The following SNTG1 variants were observed in gnomAD, a reference collection of about 807,000 sequenced individuals.
The protein encoded by SNTG1 is gamma-1-syntrophin.
A neutral mutation model predicts 74.7 loss-of-function variants in SNTG1; 39 were observed. That is an observed-to-expected ratio of 0.52 (90% CI 0.40 to 0.68). The LOEUF (loss-of-function observed/expected upper bound fraction) is 0.68. Ranked by LOEUF, SNTG1 falls within the 30% of genes least tolerant of loss-of-function variation. SNTG1 has a pLI of 0.00. For synonymous variants in SNTG1, 254 were observed against 217.1 expected, an observed-to-expected ratio of 1.17 and a Z score of -1.49; for missense variants, 685 against 609.5, an observed-to-expected ratio of 1.12 and a Z score of -1.30.
chr8:50,469,716 C>T (rs556842038), intron 8 of SNTG1, among the ~76,000 whole-genome samples: 5 of 152,254 alleles, frequency 3.3e-5, no homozygotes, highest in South Asian at 2.1e-4. Flanking sequence ...TGGTGGCTCA[C>T]GCCTGTAATC....
rs1328018114 is a variant in SNTG1, at chr8:50,530,137, C to A, written c.467-40C>A. 5 of 1,541,922 alleles carry A rather than the reference C, an allele frequency of 3.2e-6. No homozygotes were observed. The South Asian group carries it at 3.4e-5, about 10-fold the overall frequency. ...AATGCATCAGTTTAGAAGGTTATGG[C>A]ATTCTCACCAGTGGAATGTTATGAT... On this transcript the variant is annotated intron_variant, in intron 9 of 18. Coordinates refer to ENST00000642720, the MANE Select transcript of SNTG1 (RefSeq NM_018967.5).
At chr8:50,162,063 G>T (rs972084219) in intron 1 of SNTG1, among the ~76,000 whole-genome samples, 1 of 152,118 alleles carries the variant, frequency 6.6e-6, no homozygotes, top group Non-Finnish European at 1.5e-5. Context: ...ATTTGTGGTT[G>T]AATTGAATTG....
chr8:50,633,366 T>TTTC (rs2095016524), intron 13 of SNTG1, among the ~76,000 whole-genome samples: 1 of 151,978 alleles, frequency 6.6e-6, no homozygotes, highest in South Asian at 2.1e-4. Flanking sequence ...TACATTTATG[T>TTTC]TTCTGCCCTG....
chr8:50,100,454 A>T (rs2080079834), intron 1 of SNTG1, among the ~76,000 whole-genome samples: 1 of 152,094 alleles, frequency 6.6e-6, no homozygotes, highest in African/African-American at 2.4e-5. Flanking sequence ...AGAAACTGTA[A>T]GTGAGGTGAT....
intron 13 of SNTG1, among the ~76,000 whole-genome samples, chr8:50,620,638 G>T (rs1490104535): frequency 6.6e-6 from 1 of 152,140 alleles, no homozygotes; most frequent in African/African-American, 2.4e-5. Flanking sequence ...CTATAGAATG[G>T]GCATAATAGT....
rs75326855 is a variant in SNTG1, at chr8:50,564,603, C to T, written c.810+11424C>T. 8.7e-3 allele frequency among the ~76,000 whole-genome samples: 1,320 copies of T among 152,208 alleles called. 44 individuals are homozygous for T. Among genetic ancestry groups the T allele is most frequent in the Admixed American group, 0.067 (1,020 of 15,254 alleles). ...GTATTTACATGAAAATCTAGCTTCT[C>T]AGTTTTTTACTTTTCAAAGACTGAG... On this transcript the variant is annotated intron_variant, in intron 12 of 18. Transcript: ENST00000642720.
At chr8:50,231,100 A>G in intron 2 of SNTG1, among the ~76,000 whole-genome samples, 1 of 151,344 alleles carries the variant, frequency 6.6e-6, no homozygotes, top group Admixed American at 6.6e-5. Flanking sequence ...AATTTCTCCA[A>G]AGATACAAAT....
At chr8:50,208,034 T>C (rs886596095) in intron 2 of SNTG1, among the ~76,000 whole-genome samples, 1 of 152,230 alleles carries the variant, frequency 6.6e-6, no homozygotes, top group Non-Finnish European at 1.5e-5. Context: ...GAGAAGAATG[T>C]ATATTCTATT....
chr8:50,451,369 G>C (rs150238103), intron 8 of SNTG1, among the ~76,000 whole-genome samples: 21 of 152,146 alleles, frequency 1.4e-4, no homozygotes, highest in African/African-American at 5.1e-4. Flanking sequence ...GTATCCTCTG[G>C]GGTCCTTCCT....
rs190759419 is a variant in SNTG1 at position 50,407,615 on chromosome 8, C to G, written c.162+5271C>G. Among the ~76,000 whole-genome samples, 5 of 152,320 alleles carry G rather than the reference C, an allele frequency of 3.3e-5. No homozygotes were observed. In the East Asian group the frequency reaches 9.7e-4, roughly 29 times the overall value. On this transcript the variant is annotated intron_variant, in intron 4 of 18. Coordinates refer to ENST00000642720, the MANE Select transcript of SNTG1 (RefSeq NM_018967.5). ...CCTGACACTTTTGACCTGCCTTGCTCAGGCTGAAAGAAAGTGTTACAGTTC... is the reference window on the plus strand; with the variant it reads ...CCTGACACTTTTGACCTGCCTTGCTGAGGCTGAAAGAAAGTGTTACAGTTC...
intron 4 of SNTG1, among the ~76,000 whole-genome samples, chr8:50,403,191 G>A (rs997617538): frequency 6.6e-6 from 1 of 152,162 alleles, no homozygotes; most frequent in African/African-American, 2.4e-5. Context: ...CAACTATTTA[G>A]CATGGAGATT....
chr8:50,697,372 A>G (rs1373422280), intron 15 of SNTG1, among the ~76,000 whole-genome samples: 3 of 152,166 alleles, frequency 2.0e-5, no homozygotes, highest in Admixed American at 6.5e-5. Context: ...ATCATCAGCA[A>G]ACAAGGACAA....
At chr8:50,688,766 T>G (rs1421509099) in intron 15 of SNTG1, among the ~76,000 whole-genome samples, 2 of 152,118 alleles carry the variant, frequency 1.3e-5, no homozygotes, top group Non-Finnish European at 2.9e-5. Flanking sequence ...ATATGAACTT[T>G]AAAGTAGTTT....
intron 2 of SNTG1, among the ~76,000 whole-genome samples, chr8:50,299,064 A>ATACAAATTT (rs2089523029): frequency 6.6e-6 from 1 of 152,220 alleles, no homozygotes; most frequent in South Asian, 2.1e-4. Context: ...AATCAAATAA[A>ATACAAATTT]GTAATTACAA....
intron 15 of SNTG1, among the ~76,000 whole-genome samples, chr8:50,683,768 T>A (rs1353389701): frequency 6.6e-6 from 1 of 152,192 alleles, no homozygotes; most frequent in East Asian, 1.9e-4. Flanking sequence ...GGAGGGACAC[T>A]AAGATAATTA....
chr8:50,769,418 C>T (rs1410808141), intron 18 of SNTG1, among the ~76,000 whole-genome samples: 1 of 151,850 alleles, frequency 6.6e-6, no homozygotes, highest in Non-Finnish European at 1.5e-5. Flanking sequence ...CTTCTGGAAG[C>T]AATTTCCCAG....
intron 1 of SNTG1, among the ~76,000 whole-genome samples, chr8:49,991,025 T>C (rs1813633025): frequency 6.6e-6 from 1 of 152,130 alleles, no homozygotes; most frequent in African/African-American, 2.4e-5. Flanking sequence ...CTGGAAAAAG[T>C]GTTGGCAAAT....
chr8:50,002,286 A>T (rs1047477913), intron 1 of SNTG1, among the ~76,000 whole-genome samples: 1 of 152,036 alleles, frequency 6.6e-6, no homozygotes, highest in Admixed American at 6.6e-5. Context: ...AGTCCACTGT[A>T]TTTTTTTCTT....
chr8:50,113,722 G>A (rs1395850801), intron 1 of SNTG1, among the ~76,000 whole-genome samples: 2 of 152,044 alleles, frequency 1.3e-5, no homozygotes, highest in South Asian at 4.1e-4. Flanking sequence ...CTGTGGGTTT[G>A]TCATAAATAG....
Sources: allele counts gnomAD v4.1 joint callset (sites outside exome capture counted in the v4.1 genomes callset), GRCh38; gene constraint gnomAD v4.1.1; transcripts MANE v1.5; gene names NCBI Gene and HGNC (gene_info 2026-07-23, HGNC 2026-07-21).